The following SOBP variants were observed in gnomAD, a reference collection of about 807,000 sequenced individuals.
SOBP encodes sine oculis binding protein homolog.
A neutral mutation model predicts 53.6 loss-of-function variants in SOBP; 4 were observed. That is an observed-to-expected ratio of 0.07 (90% CI 0.04 to 0.17). SOBP has a LOEUF of 0.17. Ranked by LOEUF, SOBP falls within the 10% of genes least tolerant of loss-of-function variation. The probability of loss-of-function intolerance (pLI) is 1.00; values close to 1 mark genes in which losing one functional copy is unlikely to be tolerated. For missense variants in SOBP, 1,088 were observed against 1,204.7 expected (o/e 0.90, Z 1.43); for synonymous variants, 584 against 522.6 (o/e 1.12, Z -1.60).
At chr6:107,573,904 C>CT (rs1386565334) in intron 4 of SOBP, among the ~76,000 whole-genome samples, 3 of 152,182 alleles carry the variant, frequency 2.0e-5, no homozygotes, top group Admixed American at 2.0e-4. Context: ...TATCATTGAA[C>CT]TTAAAAAATT....
intron 4 of SOBP, among the ~76,000 whole-genome samples, chr6:107,544,840 A>G (rs530799134): frequency 6.6e-5 from 10 of 151,978 alleles, no homozygotes; most frequent in East Asian, 1.9e-4. Context: ...CATTCTACCA[A>G]TCCTTGGGGA....
rs1772270744 is a variant in SOBP, at chr6:107,660,980, T to C, written c.*2777T>C. Among the ~76,000 whole-genome samples, 1 of 152,204 alleles carries C rather than the reference T, an allele frequency of 6.6e-6. No individual in the cohort carries two copies. Among genetic ancestry groups the C allele is most frequent in the Non-Finnish European group, 1.5e-5 (1 of 68,034 alleles). ...TATGGCGGTGACTCCGTCTGAACTC[T>C]GCCGAGGCAAGCCCAGCCAAGGACG... On this transcript the variant is annotated 3_prime_UTR_variant, in exon 7 of 7. Transcript: ENST00000317357.
chr6:107,578,921 A>G (rs1329312271), intron 4 of SOBP, among the ~76,000 whole-genome samples: 1 of 152,160 alleles, frequency 6.6e-6, no homozygotes, highest in Non-Finnish European at 1.5e-5. Flanking sequence ...CTGATTTCTC[A>G]GGTCCATCAT....
At chr6:107,534,543 T>G (rs1272924575) in intron 4 of SOBP, among the ~76,000 whole-genome samples, 2 of 152,218 alleles carry the variant, frequency 1.3e-5, no homozygotes, top group African/African-American at 4.8e-5. Context: ...AAGCAAACAA[T>G]TATTATTTTT....
chr6:107,633,598 G>A lies in SOBP; in HGVS notation c.754G>A (p.Ala252Thr), dbSNP rs1184541482. ...DGERRLQFCS[A>T]KCLNQYKMDI... Reference sequence around the variant, plus strand: ...GGAAAGAAGGCTTCAGTTCTGCAGTGCAAAATGTCTCAATCAATACAAAAT... The same window carrying A: ...GGAAAGAAGGCTTCAGTTCTGCAGTACAAAATGTCTCAATCAATACAAAAT... Residue 252 changes from alanine (A) to threonine (T), a missense_variant, in exon 6 of 7, where the codon GCA becomes ACA. Ala to Thr is a moderately conservative substitution (Grantham distance 58). Coordinates refer to ENST00000317357, the MANE Select transcript of SOBP (RefSeq NM_018013.4). 1 of 1,614,212 alleles carries A rather than the reference G, an allele frequency of 6.2e-7. No individual in the cohort carries two copies. Among genetic ancestry groups the A allele is most frequent in the South Asian group, 1.1e-5 (1 of 91,082 alleles).
At position 107,490,363 on chromosome 6, in the gene SOBP, C is replaced by A; in HGVS notation, c.-254C>A. The A allele has an allele frequency of 5.8e-6, 1 of 171,472 alleles. No homozygotes were observed. Among genetic ancestry groups the A allele is most frequent in the Non-Finnish European group, 1.2e-5 (1 of 82,664 alleles). 10.6% of individuals were successfully genotyped at this position (171,472 alleles called of 1,614,324 possible). On this transcript the variant is annotated 5_prime_UTR_variant, in exon 1 of 7. Coordinates refer to ENST00000317357, the MANE Select transcript of SOBP (RefSeq NM_018013.4). ...GCGGCGGCGGCAGCAGGAGCCGGAG[C>A]GACGGCGGCGGCATCCCCGAGACTC...
intron 5 of SOBP, among the ~76,000 whole-genome samples, chr6:107,597,540 A>G (rs1368569962): frequency 6.6e-6 from 1 of 152,230 alleles, no homozygotes; most frequent in African/African-American, 2.4e-5. Flanking sequence ...TTACTGAAGT[A>G]TTTATGAGTT....
chr6:107,511,310 A>G (rs1562581199), intron 3 of SOBP: 1 of 152,096 alleles, frequency 6.6e-6, no homozygotes, highest in Non-Finnish European at 1.5e-5. Flanking sequence ...CAGGACATAC[A>G]CTCTCTTCCT....
rs376172999 is a variant in SOBP at position 107,515,348 on chromosome 6, A to G, written c.421+8921A>G. Among the ~76,000 whole-genome samples the G allele has an allele frequency of 2.6e-5, 4 of 152,382 alleles. No individual in the cohort carries two copies. The East Asian group carries it at 7.7e-4, about 29-fold the overall frequency. On this transcript the variant is annotated intron_variant, in intron 3 of 6. Coordinates refer to ENST00000317357, the MANE Select transcript of SOBP (RefSeq NM_018013.4). Reference sequence around the variant, plus strand: ...TTTTCAGAGAATAGAGAAGAAATAAATACGTAGACTTATTTTATGATCTCA... The same window carrying G: ...TTTTCAGAGAATAGAGAAGAAATAAGTACGTAGACTTATTTTATGATCTCA...
chr6:107,605,584 A>G (rs962629266), intron 5 of SOBP, among the ~76,000 whole-genome samples: 3 of 152,266 alleles, frequency 2.0e-5, no homozygotes, highest in African/African-American at 7.2e-5. Context: ...CTGCTGTCTT[A>G]GAATGTCCCA....
chr6:107,656,179 C>T (rs953646964), intron 6 of SOBP, among the ~76,000 whole-genome samples: 4 of 152,096 alleles, frequency 2.6e-5, no homozygotes, highest in African/African-American at 9.7e-5. Flanking sequence ...ATCCACTTGT[C>T]ATCTCTGCAG....
intron 4 of SOBP, among the ~76,000 whole-genome samples, chr6:107,570,826 T>G (rs1428767676): frequency 6.6e-6 from 1 of 152,262 alleles, no homozygotes; most frequent in Non-Finnish European, 1.5e-5. Flanking sequence ...GGTCCATATC[T>G]CAACTTTCTT....
chr6:107,616,806 A>G (rs1433297925), intron 5 of SOBP, among the ~76,000 whole-genome samples: 1 of 152,210 alleles, frequency 6.6e-6, no homozygotes, highest in Non-Finnish European at 1.5e-5. Context: ...CGGTTGGCCC[A>G]GTCCTTTGAT....
At chr6:107,518,816 G>A (rs7745939) in intron 3 of SOBP, among the ~76,000 whole-genome samples, 16,195 of 147,864 alleles carry the variant, frequency 0.11, 1,323 homozygotes, top group African/African-American at 0.21. Context: ...GCCTGCATAC[G>A]AGACCTAGAT....
At position 107,501,004 on chromosome 6, in the gene SOBP, A is replaced by G. The variant is rs1043003327; in HGVS notation, c.97-2653A>G. On this transcript the variant is annotated intron_variant, in intron 1 of 6. Coordinates refer to ENST00000317357, the MANE Select transcript of SOBP (RefSeq NM_018013.4). ...AGATTTATGGCTTGAAGTTTTATAA[A>G]TCTTTGTTTTCTGCTTTTGTAGCAA... Among the ~76,000 whole-genome samples the G allele has an allele frequency of 1.7e-4, 26 of 152,186 alleles. 1 individual carries two copies. The highest frequency in any genetic ancestry group is 6.3e-4 in the African/African-American group (26 of 41,502).
intron 4 of SOBP, among the ~76,000 whole-genome samples, chr6:107,569,485 C>T (rs931724695): frequency 2.6e-5 from 4 of 152,154 alleles, no homozygotes; most frequent in African/African-American, 9.7e-5. Flanking sequence ...CTGAGAGTCC[C>T]CACCTTCCAG....
intron 4 of SOBP, among the ~76,000 whole-genome samples, chr6:107,573,356 T>G (rs1269516789): frequency 6.4e-5 from 9 of 140,766 alleles, no homozygotes; most frequent in Admixed American, 3.5e-4. Context: ...CCAGCTGAGG[T>G]TTTTTTTTTT....
intron 3 of SOBP, among the ~76,000 whole-genome samples, chr6:107,524,980 C>T (rs1020580267): frequency 6.6e-6 from 1 of 152,204 alleles, no homozygotes; most frequent in African/African-American, 2.4e-5. Context: ...AACAAAATGT[C>T]CTGCTGTAAA....
rs145524322 is a variant in SOBP at position 107,535,402 on chromosome 6, G to A, written c.573+1792G>A. Among the ~76,000 whole-genome samples, 22 of 152,320 alleles carry A rather than the reference G, an allele frequency of 1.4e-4. No homozygotes were observed. In the East Asian group the frequency reaches 4.2e-3, roughly 29 times the overall value. Reference sequence around the variant, plus strand: ...TTACAGCAGGTAAAGTCAGCAGTGGGAGGAGGACCATCACATTTCACTTTC... The same window carrying A: ...TTACAGCAGGTAAAGTCAGCAGTGGAAGGAGGACCATCACATTTCACTTTC... On this transcript the variant is annotated intron_variant, in intron 4 of 6. Transcript: ENST00000317357.
Sources: allele counts gnomAD v4.1 joint callset (sites outside exome capture counted in the v4.1 genomes callset), GRCh38; gene constraint gnomAD v4.1.1; transcripts MANE v1.5; gene names NCBI Gene and HGNC (gene_info 2026-07-23, HGNC 2026-07-21).